Variants in RAB3GAP2 observed in about 807,000 individuals in gnomAD.
RAB3GAP2 encodes the protein RAB3 GTPase activating non-catalytic protein subunit 2.
RAB3GAP2 carries 87 observed loss-of-function variants against 185.3 expected under a neutral mutation model. The observed-to-expected ratio is 0.47, with a 90% CI of 0.39 to 0.56. The LOEUF (loss-of-function observed/expected upper bound fraction) is 0.56, where lower values mean the gene tolerates loss of function less well. Among genes scored for constraint, RAB3GAP2 ranks in the 20% least tolerant of loss-of-function variants. The probability of loss-of-function intolerance (pLI) is 0.00; values close to 1 mark genes in which losing one functional copy is unlikely to be tolerated. For synonymous variants in RAB3GAP2, 554 were observed against 576.1 expected, an observed-to-expected ratio of 0.96 and a Z score of 0.55; for missense variants, 1,492 against 1,638.2, an observed-to-expected ratio of 0.91 and a Z score of 1.54.
chr1:220,224,218 A>G (rs528530639), intron 2 of RAB3GAP2, among the ~76,000 whole-genome samples: 9 of 152,174 alleles, frequency 5.9e-5, no homozygotes, highest in Non-Finnish European at 1.3e-4. Context: ...AAGTTAAATA[A>G]CTTGCCCAGG....
At chr1:220,227,472 T>G (rs1659422128) in intron 2 of RAB3GAP2, among the ~76,000 whole-genome samples, 1 of 152,168 alleles carries the variant, frequency 6.6e-6, no homozygotes, top group South Asian at 2.1e-4. Context: ...GCTAACACAC[T>G]CGTGGAGATA....
At chr1:220,217,354 T>C (rs963733760) in intron 2 of RAB3GAP2, among the ~76,000 whole-genome samples, 18 of 152,214 alleles carry the variant, frequency 1.2e-4, no homozygotes, top group Admixed American at 4.6e-4. Context: ...AGATGACCAC[T>C]GTATTTGAAT....
chr1:220,266,026 G>A (rs1660221625), intron 1 of RAB3GAP2: 1 of 152,308 alleles, frequency 6.6e-6, no homozygotes, highest in Admixed American at 6.5e-5. Flanking sequence ...AAATTTAACA[G>A]TTGTCATTAA....
chr1:220,226,864 T>A (rs928244398), intron 2 of RAB3GAP2, among the ~76,000 whole-genome samples: 6 of 152,182 alleles, frequency 3.9e-5, no homozygotes, highest in Non-Finnish European at 5.9e-5. Context: ...TAAATGCAAA[T>A]GAGCTCATAA....
chr1:220,260,763 G>A (rs73095623), intron 1 of RAB3GAP2, among the ~76,000 whole-genome samples: 13,751 of 151,860 alleles, frequency 0.091, 883 homozygotes, highest in African/African-American at 0.18. Flanking sequence ...TGAAGAAGAA[G>A]AAGAAAAAAG....
At chr1:220,170,430 T>C (rs1658152632) in intron 24 of RAB3GAP2, among the ~76,000 whole-genome samples, 1 of 152,122 alleles carries the variant, frequency 6.6e-6, no homozygotes, top group Non-Finnish European at 1.5e-5. Context: ...AAAAAAGTAG[T>C]TATATTTCCC....
chr1:220,264,764 G>C (rs149914673), intron 1 of RAB3GAP2, among the ~76,000 whole-genome samples: 272 of 152,084 alleles, frequency 1.8e-3, no homozygotes, highest in African/African-American at 6.1e-3. Flanking sequence ...CTATTAATGT[G>C]TAAATATCAC....
At chr1:220,222,593 T>C (rs1179674981) in intron 2 of RAB3GAP2, among the ~76,000 whole-genome samples, 1 of 152,214 alleles carries the variant, frequency 6.6e-6, no homozygotes, top group Admixed American at 6.5e-5. Flanking sequence ...ATTTTAAAAA[T>C]TACCTTTCTT....
In RAB3GAP2 at chr1:220,206,357, C is replaced by T. The variant is rs117343669; in HGVS notation, c.613-351G>A. Among the ~76,000 whole-genome samples the T allele has an allele frequency of 3.8e-3, 586 of 152,242 alleles. 10 individuals carry two copies. The highest frequency in any genetic ancestry group is 0.024 in the Admixed American group (365 of 15,284). On this transcript the variant is annotated intron_variant, in intron 7 of 34. Transcript: ENST00000358951. ...CTGAAATCCCAGACACGTCTCAATA[C>T]ACATCCCCAAATATATTCATACACA...
intron 2 of RAB3GAP2, among the ~76,000 whole-genome samples, chr1:220,229,033 G>A (rs1049104516): frequency 6.6e-6 from 1 of 152,082 alleles, no homozygotes; most frequent in Non-Finnish European, 1.5e-5. Context: ...CTCGATTTAG[G>A]TTATCCCTAG....
rs373885234 is a variant in RAB3GAP2 at position 220,151,421 on chromosome 1, C to G, written c.4027-15G>C. On this transcript the variant is annotated splice_polypyrimidine_tract_variant and intron_variant, in intron 34 of 34. Transcript: ENST00000358951. ...TCCTGGGGGTCCTGCAAATGGGACA[C>G]AAAAATAACCTATTATAGACAACTA... 28 of 1,613,902 alleles carry G rather than the reference C, an allele frequency of 1.7e-5. No homozygotes were observed. The highest frequency in any genetic ancestry group is 6.7e-5 in the African/African-American group (5 of 74,912).
intron 1 of RAB3GAP2, among the ~76,000 whole-genome samples, chr1:220,264,373 T>C (rs1660193469): frequency 1.3e-5 from 2 of 152,042 alleles, no homozygotes; most frequent in African/African-American, 2.4e-5. Context: ...TGGAGGAATT[T>C]ACAACACTTT....
chr1:220,254,484 G>C (rs568697718), intron 1 of RAB3GAP2: 1 of 1,613,424 alleles, frequency 6.2e-7, no homozygotes, highest in Admixed American at 1.7e-5. Flanking sequence ...CTGCAACTTT[G>C]TTTAGTGCCA....
At chr1:220,176,582 G>A (rs932055910) in intron 21 of RAB3GAP2, among the ~76,000 whole-genome samples, 71 of 152,296 alleles carry the variant, frequency 4.7e-4, no homozygotes, top group African/African-American at 1.7e-3. Context: ...GCTAGCACTG[G>A]TCTCAGCAGT....
At chr1:220,254,993 T>G (rs974620952) in intron 1 of RAB3GAP2, among the ~76,000 whole-genome samples, 11 of 150,326 alleles carry the variant, frequency 7.3e-5, no homozygotes. Flanking sequence ...AAAGAGCCCA[T>G]CCTTTGCAAG....
At chr1:220,267,639 T>C (rs367570459) in intron 1 of RAB3GAP2, 1 of 1,449,360 alleles carries the variant, frequency 6.9e-7, no homozygotes, top group Non-Finnish European at 9.7e-7. Context: ...TTGGGTGTTA[T>C]TCAGTGGCCT....
intron 1 of RAB3GAP2, among the ~76,000 whole-genome samples, chr1:220,242,766 A>G (rs535741586): frequency 2.0e-5 from 3 of 152,320 alleles, no homozygotes; most frequent in Non-Finnish European, 4.4e-5. Flanking sequence ...ATGTGACTTC[A>G]AATATAAGGT....
intron 1 of RAB3GAP2, among the ~76,000 whole-genome samples, chr1:220,269,829 A>G (rs1660301727): frequency 6.6e-6 from 1 of 152,106 alleles, no homozygotes; most frequent in South Asian, 2.1e-4. Flanking sequence ...GAATTGCTAG[A>G]AGAAGACACA....
At chr1:220,267,715 G>C in intron 1 of RAB3GAP2, 1 of 1,566,310 alleles carries the variant, frequency 6.4e-7, no homozygotes, top group Non-Finnish European at 8.8e-7. Flanking sequence ...ACTGGCTTGT[G>C]ACTGGAGACA....
Sources: allele counts gnomAD v4.1 joint callset (sites outside exome capture counted in the v4.1 genomes callset), GRCh38; gene constraint gnomAD v4.1.1; transcripts MANE v1.5; gene names NCBI Gene and HGNC (gene_info 2026-07-23, HGNC 2026-07-21).